Variants in PPP1R13B observed in about 807,000 individuals in gnomAD.
PPP1R13B encodes apoptosis-stimulating of p53 protein 1.
A neutral mutation model predicts 119.8 loss-of-function variants in PPP1R13B; 44 were observed. The ratio of observed to expected loss-of-function variants is 0.37; its 90% CI spans 0.29 to 0.47. The LOEUF is 0.47. PPP1R13B is among the 20% of genes least tolerant of loss of function. The pLI, the probability that PPP1R13B is intolerant of heterozygous loss-of-function variation, is 0.99. For synonymous variants in PPP1R13B, 542 were observed against 561.5 expected, an observed-to-expected ratio of 0.97 and a Z score of 0.49; for missense variants, 1,227 against 1,413.5, an observed-to-expected ratio of 0.87 and a Z score of 2.12.
chr14:103,743,705 A>G (rs1338470887), intron 9 of PPP1R13B, among the ~76,000 whole-genome samples: 3 of 152,232 alleles, frequency 2.0e-5, no homozygotes, highest in East Asian at 3.8e-4. Flanking sequence ...CCCATCTGCC[A>G]GCACAGGCAG....
intron 4 of PPP1R13B, among the ~76,000 whole-genome samples, chr14:103,761,762 C>T (rs1282240846): frequency 9.5e-6 from 1 of 104,916 alleles, no homozygotes; most frequent in East Asian, 2.7e-4. Context: ...GACTCCATCT[C>T]AAAAAAAAAA....
chr14:103,820,881 T>C (rs1445819290), intron 1 of PPP1R13B, among the ~76,000 whole-genome samples: 1 of 152,096 alleles, frequency 6.6e-6, no homozygotes, highest in African/African-American at 2.4e-5. Context: ...TTTTCTATAG[T>C]CACTAAAGTT....
At chr14:103,781,351 C>CTAAGGTAAAAGTAGATGAAGAGT (rs2085330821) in intron 3 of PPP1R13B, among the ~76,000 whole-genome samples, 1 of 152,076 alleles carries the variant, frequency 6.6e-6, no homozygotes, top group African/African-American at 2.4e-5. Flanking sequence ...GGACCCTGGT[C>CTAAGGTAAAAGTAGATGAAGAGT]TAAGGTAAAA....
chr14:103,779,832 G>GA (rs931370632), intron 3 of PPP1R13B, among the ~76,000 whole-genome samples: 3 of 151,262 alleles, frequency 2.0e-5, no homozygotes, highest in African/African-American at 4.8e-5. Context: ...ACCAAGAGAG[G>GA]AAAAAAAAGA....
intron 1 of PPP1R13B, among the ~76,000 whole-genome samples, chr14:103,807,139 T>A (rs1264801944): frequency 6.6e-6 from 1 of 152,182 alleles, no homozygotes; most frequent in Non-Finnish European, 1.5e-5. Flanking sequence ...CCTCAGGGGC[T>A]TTGCACTTGC....
chr14:103,797,330 A>AT lies in PPP1R13B; in HGVS notation c.157+40dup. On this transcript the variant is annotated intron_variant, in intron 2 of 16. Transcript: ENST00000202556. ...AGCTTAGCTAAAAGATGGTGATTTG[A>AT]TTTTATCAATGTAACAATCTTTACA... is the stretch of plus-strand genomic sequence containing the variant. 2.0e-6 allele frequency: 3 copies of AT among 1,530,434 alleles called. No homozygotes were observed. The African/African-American group carries it at 4.2e-5, about 21-fold the overall frequency. 94.8% of individuals were successfully genotyped at this position (1,530,434 alleles called of 1,614,324 possible). A position where few individuals can be genotyped will look rare whatever the true frequency, so the allele number is the denominator to read the frequency against.
chr14:103,790,825 C>T (rs567519331), intron 2 of PPP1R13B, among the ~76,000 whole-genome samples: 5 of 152,236 alleles, frequency 3.3e-5, no homozygotes, highest in East Asian at 3.9e-4. Context: ...GTAAACATGG[C>T]GAAACCTCAT....
At chr14:103,800,583 G>A (rs2085875120) in intron 1 of PPP1R13B, among the ~76,000 whole-genome samples, 1 of 151,004 alleles carries the variant, frequency 6.6e-6, no homozygotes. Context: ...GAACCCCGGG[G>A]GGCAGAGGTT....
intron 1 of PPP1R13B, among the ~76,000 whole-genome samples, chr14:103,809,814 C>T (rs2086103892): frequency 7.0e-6 from 1 of 142,520 alleles, no homozygotes; most frequent in African/African-American, 2.7e-5. Flanking sequence ...CAAAGTGAAA[C>T]TCTTGTCTCA....
chr14:103,827,302 C>T (rs1365694528), intron 1 of PPP1R13B, among the ~76,000 whole-genome samples: 1 of 152,062 alleles, frequency 6.6e-6, no homozygotes. Flanking sequence ...CGCCACTGCA[C>T]TCCAACCCAA....
Position 103,837,910 on chromosome 14 carries a change from G to C in PPP1R13B, c.9+9389C>G, listed in dbSNP as rs139098403. On this transcript the variant is annotated intron_variant, in intron 1 of 16. Coordinates refer to ENST00000202556, the MANE Select transcript of PPP1R13B (RefSeq NM_015316.3). ...AAGGCAGACAGATCACCTGAGGTCA[G>C]GAGTTCAAGACCAGCCTGGACAACA... 6.0e-3 allele frequency among the ~76,000 whole-genome samples: 906 copies of C among 152,204 alleles called. 10 individuals carry two copies. Among genetic ancestry groups the C allele is most frequent in the African/African-American group, 0.021 (853 of 41,536 alleles).
intron 1 of PPP1R13B, among the ~76,000 whole-genome samples, chr14:103,842,518 G>A (rs530471644): frequency 6.6e-6 from 1 of 151,810 alleles, no homozygotes; most frequent in South Asian, 2.1e-4. Flanking sequence ...GAGCAGGCTG[G>A]TCTTGAACTC....
chr14:103,739,472 C>T (rs1468533534), intron 12 of PPP1R13B, among the ~76,000 whole-genome samples: 3 of 152,218 alleles, frequency 2.0e-5, no homozygotes, highest in African/African-American at 7.2e-5. Flanking sequence ...GCTCCGTCAA[C>T]ACTGACCTCC....
intron 1 of PPP1R13B, among the ~76,000 whole-genome samples, chr14:103,821,644 G>A (rs1201097202): frequency 5.9e-5 from 9 of 152,018 alleles, no homozygotes; most frequent in African/African-American, 1.2e-4. Flanking sequence ...CCAGATACTC[G>A]GGAGGCTAAG....
At chr14:103,796,560 AAC>A (rs2085762093) in intron 2 of PPP1R13B, among the ~76,000 whole-genome samples, 1 of 152,354 alleles carries the variant, frequency 6.6e-6, no homozygotes, top group East Asian at 1.9e-4. Context: ...TGCATTAGAA[AAC>A]AGTCTGGTGG....
intron 8 of PPP1R13B, among the ~76,000 whole-genome samples, chr14:103,748,919 G>GT (rs1364202583): frequency 9.2e-5 from 14 of 152,336 alleles, no homozygotes; most frequent in Middle Eastern, 3.4e-3. Flanking sequence ...TGAGACTAGT[G>GT]TAATTCCTGC....
At chr14:103,847,034 C>A in intron 1 of PPP1R13B, 1 of 1,083,850 alleles carries the variant, frequency 9.2e-7, no homozygotes, top group East Asian at 8.5e-5. Context: ...GATGACCGGC[C>A]CCAAATGCAT....
At chr14:103,773,231 T>C (rs902532769) in intron 4 of PPP1R13B, among the ~76,000 whole-genome samples, 1 of 151,818 alleles carries the variant, frequency 6.6e-6, no homozygotes, top group Admixed American at 6.6e-5. Flanking sequence ...AAAGAGAATA[T>C]ATAAAAAAGA....
intron 5 of PPP1R13B, 21 bp from the exon 6 acceptor site, chr14:103,754,265 G>A: frequency 1.9e-6 from 3 of 1,596,430 alleles, no homozygotes; most frequent in Non-Finnish European, 2.6e-6. Context: ...AAAGAAAAAT[G>A]TAACTTTGAA....
Sources: allele counts gnomAD v4.1 joint callset (sites outside exome capture counted in the v4.1 genomes callset), GRCh38; gene constraint gnomAD v4.1.1; transcripts MANE v1.5; gene names NCBI Gene and HGNC (gene_info 2026-07-23, HGNC 2026-07-21).